The following CDH13 variants were observed in gnomAD, a reference collection of about 807,000 sequenced individuals.
CDH13 encodes cadherin 13.
A neutral mutation model predicts 63.8 loss-of-function variants in CDH13; 24 were observed. That is an observed-to-expected ratio of 0.38 (90% CI 0.27 to 0.53). The LOEUF (loss-of-function observed/expected upper bound fraction) is 0.53, where lower values mean the gene tolerates loss of function less well. CDH13 is among the 20% of genes least tolerant of loss of function. CDH13 has a pLI of 0.85. For synonymous variants in CDH13, 503 were observed against 355.3 expected (o/e 1.42, Z -4.67); for missense variants, 1,049 against 903.1 (o/e 1.16, Z -2.07).
At chr16:82,749,969 G>T (rs531178691) in intron 1 of CDH13, among the ~76,000 whole-genome samples, 1 of 152,018 alleles carries the variant, frequency 6.6e-6, no homozygotes, top group Non-Finnish European at 1.5e-5. Flanking sequence ...GTCGATTTTT[G>T]TTTAGGCATT....
chr16:83,614,601 C>G (rs1279262683), intron 8 of CDH13, among the ~76,000 whole-genome samples: 3 of 152,218 alleles, frequency 2.0e-5, no homozygotes, highest in African/African-American at 7.2e-5. Context: ...GCCTTACCAG[C>G]TCTTCGGCAC....
chr16:83,393,110 C>G (rs942515843), intron 6 of CDH13, among the ~76,000 whole-genome samples: 3 of 152,106 alleles, frequency 2.0e-5, no homozygotes, highest in Admixed American at 1.3e-4. Context: ...CAAAGTGTCA[C>G]CAATATCTAG....
At chr16:82,750,581 A>G (rs891135297) in intron 1 of CDH13, among the ~76,000 whole-genome samples, 1 of 152,216 alleles carries the variant, frequency 6.6e-6, no homozygotes, top group African/African-American at 2.4e-5. Flanking sequence ...AGCTGAGCCC[A>G]TTTTTGTTCA....
intron 7 of CDH13, among the ~76,000 whole-genome samples, chr16:83,521,338 A>C (rs907497840): frequency 1.3e-5 from 2 of 152,136 alleles, no homozygotes; most frequent in East Asian, 3.9e-4. Flanking sequence ...TGCTCTTTGA[A>C]ATTTAGGAAA....
At chr16:82,942,469 C>G (rs1904300894) in intron 2 of CDH13, among the ~76,000 whole-genome samples, 1 of 152,156 alleles carries the variant, frequency 6.6e-6, no homozygotes, top group Admixed American at 6.5e-5. Flanking sequence ...GAAATACAGA[C>G]TATAACACAC....
intron 11 of CDH13, among the ~76,000 whole-genome samples, chr16:83,751,909 C>G (rs1459416569): frequency 6.6e-6 from 1 of 152,180 alleles, no homozygotes; most frequent in East Asian, 1.9e-4. Flanking sequence ...CCAGAAGAAG[C>G]TGGCAAGATA....
intron 3 of CDH13, among the ~76,000 whole-genome samples, chr16:83,108,696 G>T (rs779545091): frequency 6.6e-6 from 1 of 152,164 alleles, no homozygotes; most frequent in Non-Finnish European, 1.5e-5. Context: ...GCAGGGTTTT[G>T]CTGGGGACCC....
At chr16:82,674,326 T>C (rs1415501013) in intron 1 of CDH13, among the ~76,000 whole-genome samples, 1 of 152,208 alleles carries the variant, frequency 6.6e-6, no homozygotes, top group Non-Finnish European at 1.5e-5. Context: ...AGACTAGAGA[T>C]TGTACCTACA....
intron 1 of CDH13, among the ~76,000 whole-genome samples, chr16:82,642,423 G>A (rs1468096655): frequency 6.6e-6 from 1 of 152,180 alleles, no homozygotes; most frequent in African/African-American, 2.4e-5. Flanking sequence ...AATGTACAGG[G>A]CATAATAAAG....
At chr16:83,130,940 C>T (rs1043312108) in intron 4 of CDH13, among the ~76,000 whole-genome samples, 1 of 152,148 alleles carries the variant, frequency 6.6e-6, no homozygotes, top group Non-Finnish European at 1.5e-5. Flanking sequence ...ACTGGATATC[C>T]TGCTGTGTAG....
At chr16:83,754,247 G>A (rs1913321650) in intron 11 of CDH13, among the ~76,000 whole-genome samples, 1 of 152,124 alleles carries the variant, frequency 6.6e-6, no homozygotes, top group African/African-American at 2.4e-5. Context: ...AAGGTACAAG[G>A]AGTTAAAGGA....
At chr16:83,048,605 C>T (rs1208749937) in intron 3 of CDH13, among the ~76,000 whole-genome samples, 4 of 152,148 alleles carry the variant, frequency 2.6e-5, no homozygotes, top group Admixed American at 1.3e-4. Flanking sequence ...AAAGTTCATA[C>T]CATCCATTTC....
At chr16:83,601,533 A>G (rs1193128055) in intron 7 of CDH13, among the ~76,000 whole-genome samples, 1 of 152,212 alleles carries the variant, frequency 6.6e-6, no homozygotes, top group Non-Finnish European at 1.5e-5. Context: ...ACATGAAAGA[A>G]GTGTGGTATA....
intron 3 of CDH13, 51 bp downstream of exon 3, chr16:83,032,269 G>C (rs1916435311): frequency 7.0e-7 from 1 of 1,434,754 alleles, no homozygotes; most frequent in Non-Finnish European, 9.7e-7. Flanking sequence ...ATTAGGTTCT[G>C]TCTGTCTTAT....
At chr16:83,587,419 G>C (rs796485645) in intron 7 of CDH13, among the ~76,000 whole-genome samples, 2 of 152,186 alleles carry the variant, frequency 1.3e-5, no homozygotes, top group Admixed American at 1.3e-4. Flanking sequence ...ACCCCTCGGT[G>C]AGCTCCTGTG....
chr16:83,752,440 G>A (rs544792732), intron 11 of CDH13, among the ~76,000 whole-genome samples: 13 of 152,166 alleles, frequency 8.5e-5, no homozygotes, highest in Non-Finnish European at 4.4e-5. Flanking sequence ...TCTAAAAGTC[G>A]TATCATTAGG....
At chr16:83,631,001 G>C (rs778862057) in intron 8 of CDH13, among the ~76,000 whole-genome samples, 3 of 152,176 alleles carry the variant, frequency 2.0e-5, no homozygotes, top group Non-Finnish European at 4.4e-5. Context: ...GGTTCAGTAA[G>C]GGGGCCATTG....
chr16:83,023,776 G>T (rs898025237), intron 2 of CDH13, among the ~76,000 whole-genome samples: 1 of 152,216 alleles, frequency 6.6e-6, no homozygotes, highest in African/African-American at 2.4e-5. Flanking sequence ...CACAATGCAG[G>T]GCTGATGTCA....
chr16:83,461,004 C>CACAA (rs2073165685), intron 6 of CDH13, among the ~76,000 whole-genome samples: 1 of 151,166 alleles, frequency 6.6e-6, no homozygotes, highest in African/African-American at 2.4e-5. Context: ...CGCACACACA[C>CACAA]ACACACACAC....
Sources: gnomAD v4.1 joint callset for allele counts (sites outside exome capture counted in the v4.1 genomes callset) on GRCh38, gnomAD v4.1.1 for gene constraint, MANE v1.5 for transcripts, NCBI Gene and HGNC (gene_info 2026-07-23, HGNC 2026-07-21) for gene names.